Variants in TMEM53 observed in about 807,000 individuals in gnomAD.
TMEM53 encodes the protein novel DUF829 domain-containing protein.
A neutral mutation model predicts 21.4 loss-of-function variants in TMEM53; 14 were observed. That is an observed-to-expected ratio of 0.65 (90% CI 0.43 to 1.02). The LOEUF is 1.02. Ranked by LOEUF, TMEM53 falls within the 50% of genes least tolerant of loss-of-function variation. The probability of loss-of-function intolerance (pLI) is 0.00; values close to 1 mark genes in which losing one functional copy is unlikely to be tolerated. For missense variants in TMEM53, 323 were observed against 383.6 expected (o/e 0.84, Z 1.32); for synonymous variants, 148 against 157.4 (o/e 0.94, Z 0.45).
chr1:44,674,057 C>T (rs986034429), intron 1 of TMEM53: 1 of 985,320 alleles, frequency 1.0e-6, no homozygotes, highest in African/African-American at 1.7e-5. Context: ...GGGCATGGAC[C>T]TGAGCACCCC....
intron 2 of TMEM53, among the ~76,000 whole-genome samples, chr1:44,657,693 G>A (rs952744064): frequency 6.6e-6 from 1 of 151,704 alleles, no homozygotes; most frequent in South Asian, 2.1e-4. Flanking sequence ...ACGCACCACC[G>A]TGCCTGGCTA....
At chr1:44,662,146 G>A (rs1418845801) in intron 1 of TMEM53, among the ~76,000 whole-genome samples, 2 of 152,256 alleles carry the variant, frequency 1.3e-5, no homozygotes, top group Non-Finnish European at 2.9e-5. Flanking sequence ...ACAATTTCCT[G>A]TGGAAATTAA....
rs35956030 is a variant in TMEM53, at chr1:44,672,770, T to TAAAAAA, written c.61+1555_61+1560dup. On this transcript the variant is annotated intron_variant, in intron 1 of 2. Transcript: ENST00000372237. Reference sequence around the variant, plus strand: ...GGGCGACAGGGGAGACTCCATCTCTTAAAAAAAAAAAAAGAAAGGGGGGCT... The same window carrying TAAAAAA: ...GGGCGACAGGGGAGACTCCATCTCTTAAAAAAAAAAAAAAAAAAAGAAAGGGGGGCT... Among the ~76,000 whole-genome samples, 425 of 141,954 alleles carry TAAAAAA rather than the reference T, an allele frequency of 3.0e-3. 2 individuals carry two copies. Among genetic ancestry groups the TAAAAAA allele is most frequent in the African/African-American group, 0.011 (404 of 38,416 alleles). The allele number at this position is 141,954 out of a possible 152,430, so 93.1% of individuals were successfully genotyped here. A position where few individuals can be genotyped will look rare whatever the true frequency, so the allele number is the denominator to read the frequency against.
chr1:44,660,383 C>T (rs1644889964), intron 1 of TMEM53, 88 bp from the exon 2 acceptor site: 5 of 1,511,910 alleles, frequency 3.3e-6, no homozygotes, highest in Admixed American at 1.9e-5. Context: ...ACTCCGGCTG[C>T]TGCAGGCAGG....
rs566816244 is a variant in TMEM53, at chr1:44,674,237, G to A, written c.61+94C>T. 1.1e-5 allele frequency: 17 copies of A among 1,493,616 alleles called. No homozygotes were observed. The East Asian group carries it at 1.5e-4, about 13-fold the overall frequency. 92.5% of individuals were successfully genotyped at this position (1,493,616 alleles called of 1,614,324 possible). On this transcript the variant is annotated intron_variant, in intron 1 of 2. Transcript: ENST00000372237. The stretch of plus-strand genomic sequence containing the variant: ...ATGAGGGGGCGGCCCGAGGGAGGGC[G>A]GGGCCGCATGAGGGGCGGGGCTACA...
chr1:44,658,827 T>C (rs1182296773), intron 2 of TMEM53, among the ~76,000 whole-genome samples: 3 of 152,152 alleles, frequency 2.0e-5, no homozygotes, highest in East Asian at 1.9e-4. Context: ...GCTGGGATTA[T>C]AGACATGAGT....
At chr1:44,658,435 G>A (rs944654059) in intron 2 of TMEM53, among the ~76,000 whole-genome samples, 3 of 151,792 alleles carry the variant, frequency 2.0e-5, no homozygotes, top group Non-Finnish European at 2.9e-5. Flanking sequence ...TACCTCTACC[G>A]ACACCCCCAA....
chr1:44,662,198 G>A (rs982015234), intron 1 of TMEM53, among the ~76,000 whole-genome samples: 2 of 152,240 alleles, frequency 1.3e-5, no homozygotes, highest in Admixed American at 6.5e-5. Context: ...TAGTGGTGGT[G>A]ACTCTGGCCT....
chr1:44,672,143 T>C (rs138622437), intron 1 of TMEM53, among the ~76,000 whole-genome samples: 211 of 152,260 alleles, frequency 1.4e-3, no homozygotes, highest in Non-Finnish European at 2.1e-3. Context: ...TCTGAGGGGT[T>C]TGACAACCTC....
Position 44,674,436 on chromosome 1 carries a change from C to G in TMEM53, c.-45G>C, listed in dbSNP as rs748978332. 2.7e-5 allele frequency: 43 copies of G among 1,582,690 alleles called. No individual in the cohort carries two copies. Among genetic ancestry groups the G allele is most frequent in the Non-Finnish European group, 3.6e-5 (42 of 1,164,276 alleles). On this transcript the variant is annotated 5_prime_UTR_variant, in exon 1 of 3. Coordinates refer to ENST00000372237, the MANE Select transcript of TMEM53 (RefSeq NM_024587.4). ...AGCACGGGTCTCCAGCCGGAACTCC[C>G]GCTTGCGCACCCGTGCCTCACCCGG...
At chr1:44,661,404 C>CT (rs892031680) in intron 1 of TMEM53, among the ~76,000 whole-genome samples, 78 of 132,620 alleles carry the variant, frequency 5.9e-4, no homozygotes, top group African/African-American at 1.0e-3. Context: ...CTTTCTTTTT[C>CT]TTTTTTTTTT....
intron 1 of TMEM53, chr1:44,673,975 A>C (rs965494394): frequency 1.0e-6 from 1 of 985,344 alleles, no homozygotes; most frequent in African/African-American, 1.7e-5. Context: ...AGATGTGGGA[A>C]GCCCAATCCC....
At chr1:44,673,262 G>A (rs1040288256) in intron 1 of TMEM53, among the ~76,000 whole-genome samples, 1 of 152,256 alleles carries the variant, frequency 6.6e-6, no homozygotes. Flanking sequence ...CAAAGAACAT[G>A]AGATGCTACG....
rs1229903519 is a variant in TMEM53 at position 44,660,190 on chromosome 1, G to A, written c.167C>T (p.Ala56Val). 6 of 1,613,918 alleles carry A rather than the reference G, an allele frequency of 3.7e-6. No individual in the cohort carries two copies. The Admixed American group carries it at 5.0e-5, about 13-fold the overall frequency. The part of the protein sequence containing the change: ...CKDKNLAKYS[A>V]IYHKRGCIVI... ...AGTACTCACCCTTTTGTGGTAGATG[G>A]CACTGTACTTGGCAAGGTTCTTGTC... Residue 56 changes from alanine (A) to valine (V), a missense_variant, in exon 2 of 3, where the codon GCC becomes GTC. This residue lies in a region of TMEM53 where 269 missense variants were observed against 334.5 expected (regional missense o/e 0.80). Coordinates refer to ENST00000372237, the MANE Select transcript of TMEM53 (RefSeq NM_024587.4).
chr1:44,665,678 AC>A (rs1644943055), intron 1 of TMEM53, among the ~76,000 whole-genome samples: 1 of 151,864 alleles, frequency 6.6e-6, no homozygotes. Flanking sequence ...TGGTAATTCC[AC>A]TTATAAGAAA....
At chr1:44,671,092 G>A (rs1003397955) in intron 1 of TMEM53, among the ~76,000 whole-genome samples, 2 of 152,194 alleles carry the variant, frequency 1.3e-5, no homozygotes, top group South Asian at 4.1e-4. Flanking sequence ...ACGACAACAG[G>A]AAAATATAGT....
intron 2 of TMEM53, 72 bp downstream of exon 2, chr1:44,660,102 C>T: frequency 6.5e-7 from 1 of 1,545,328 alleles, no homozygotes. Context: ...GTTCTTAAAG[C>T]CATTCCCAGT....
intron 2 of TMEM53, among the ~76,000 whole-genome samples, chr1:44,656,731 TG>T (rs1644853022): frequency 6.9e-6 from 1 of 145,234 alleles, no homozygotes; most frequent in Non-Finnish European, 1.5e-5. Context: ...AAAAAAAAAA[TG>T]GTTGGGCACA....
rs545632600 is a variant in TMEM53, at chr1:44,655,370, C to T, written c.184-161G>A. On this transcript the variant is annotated intron_variant, in intron 2 of 2. Coordinates refer to ENST00000372237, the MANE Select transcript of TMEM53 (RefSeq NM_024587.4). This position sits in a 1 kb window ranked among gnomAD's most constrained non-coding sequence, Gnocchi z 4.4. The stretch of plus-strand genomic sequence containing the variant: ...CTGCTTCAGCCTGAGCCCACCAGCC[C>T]GCTGCCCACAGACACAGGTGCCTTC... Among the ~76,000 whole-genome samples, 3 of 152,266 alleles carry T rather than the reference C, an allele frequency of 2.0e-5. No homozygotes were observed. The highest frequency in any genetic ancestry group is 4.1e-4 in the South Asian group (2 of 4,828).
Sources: gnomAD v4.1 joint callset for allele counts (sites outside exome capture counted in the v4.1 genomes callset) on GRCh38, gnomAD v4.1.1 for gene constraint, gnomAD v4.1.1 regional missense constraint, Gnocchi (gnomAD v3.1) non-coding constraint, MANE v1.5 for transcripts, NCBI Gene and HGNC (gene_info 2026-07-23, HGNC 2026-07-21) for gene names.